Variants in CLPTM1 observed in about 807,000 individuals in gnomAD.
The protein encoded by CLPTM1 is putative lipid scramblase CLPTM1.
Under a neutral mutation model 77.3 loss-of-function variants are expected in CLPTM1, and 21 were observed. The observed-to-expected ratio is 0.27, with a 90% CI of 0.19 to 0.39. The LOEUF (loss-of-function observed/expected upper bound fraction) is 0.39, where lower values mean the gene tolerates loss of function less well. Ranked by LOEUF, CLPTM1 falls within the 10% of genes least tolerant of loss-of-function variation. The probability of loss-of-function intolerance (pLI) is 1.00; values close to 1 mark genes in which losing one functional copy is unlikely to be tolerated. For synonymous variants in CLPTM1, 373 were observed against 381.0 expected (o/e 0.98, Z 0.24); for missense variants, 642 against 921.2 (o/e 0.70, Z 3.92).
chr19:44,989,131 A>G (rs531896402), intron 9 of CLPTM1, among the ~76,000 whole-genome samples: 1 of 152,028 alleles, frequency 6.6e-6, no homozygotes, highest in South Asian at 2.1e-4. Context: ...ACACCACTGA[A>G]CTCCATCCTA....
chr19:44,971,351 T>A (rs143054891), intron 2 of CLPTM1, among the ~76,000 whole-genome samples: 1 of 152,134 alleles, frequency 6.6e-6, no homozygotes, highest in African/African-American at 2.4e-5. Flanking sequence ...TATTGATATT[T>A]TCTTAGTGTA....
chr19:44,992,598 C>T lies in CLPTM1; in HGVS notation c.1724-13C>T. The stretch of plus-strand genomic sequence containing the variant: ...GCCAGCCCGACCTCACACTGCCTCC[C>T]ACCCCTCTCCAGATGTGGTTTTCTT... On this transcript the variant is annotated splice_polypyrimidine_tract_variant and intron_variant, in intron 13 of 13. Transcript: ENST00000337392. This position sits in a 1 kb window ranked among gnomAD's most constrained non-coding sequence, Gnocchi z 7.7. 1.2e-6 allele frequency: 2 copies of T among 1,613,224 alleles called. No homozygotes were observed. The highest frequency in any genetic ancestry group is 8.5e-7 in the Non-Finnish European group (1 of 1,179,790).
chr19:44,959,404 G>T (rs951441408), intron 1 of CLPTM1, among the ~76,000 whole-genome samples: 3 of 151,992 alleles, frequency 2.0e-5, no homozygotes, highest in Non-Finnish European at 4.4e-5. Flanking sequence ...GCCTAGGCTG[G>T]AGTGCAGTGG....
intron 7 of CLPTM1, chr19:44,986,913 C>T: frequency 1.8e-6 from 1 of 542,652 alleles, no homozygotes; most frequent in Middle Eastern, 4.8e-4. Flanking sequence ...TTTTATAAAA[C>T]TGGGTTACAT....
chr19:44,965,421 C>T (rs1480054351), intron 2 of CLPTM1, among the ~76,000 whole-genome samples: 2 of 151,628 alleles, frequency 1.3e-5, no homozygotes, highest in Non-Finnish European at 2.9e-5. Context: ...TCACTTGAAC[C>T]TGGGAGGTAG....
In CLPTM1 at chr19:44,987,172, G is replaced by A. The variant is rs370922483; in HGVS notation, c.794-7G>A. ...GCCAAATGGTGCCCCTGCCCCACGT[G>A]CTGCAGATGTGAAGTTCGACGCCGT... On this transcript the variant is annotated splice_polypyrimidine_tract_variant and splice_region_variant and intron_variant, in intron 7 of 13. Transcript: ENST00000337392. 1.3e-5 allele frequency: 21 copies of A among 1,605,746 alleles called. No individual in the cohort carries two copies. In the African/African-American group the frequency reaches 2.8e-4, roughly 21 times the overall value.
intron 1 of CLPTM1, among the ~76,000 whole-genome samples, chr19:44,956,587 G>A (rs1410514546): frequency 6.6e-6 from 1 of 152,180 alleles, no homozygotes; most frequent in Non-Finnish European, 1.5e-5. Context: ...TGGCTTCAGG[G>A]ACAGCTTAGG....
chr19:44,972,342 G>T (rs1344846940), intron 2 of CLPTM1, among the ~76,000 whole-genome samples: 1 of 151,702 alleles, frequency 6.6e-6, no homozygotes, highest in Non-Finnish European at 1.5e-5. Flanking sequence ...CTGCCTCCTG[G>T]GTTCACACCA....
intron 2 of CLPTM1, among the ~76,000 whole-genome samples, chr19:44,967,899 C>G (rs1156838762): frequency 6.6e-6 from 1 of 152,164 alleles, no homozygotes; most frequent in Non-Finnish European, 1.5e-5. Flanking sequence ...ACTTCACCTC[C>G]CCTCCCCATG....
Position 44,990,565 on chromosome 19 carries a change from A to T in CLPTM1, c.1303A>T (p.Thr435Ser), listed in dbSNP as rs745872343. 91 of 1,613,916 alleles carry T rather than the reference A, an allele frequency of 5.6e-5. No individual in the cohort carries two copies. Among genetic ancestry groups the T allele is most frequent in the Admixed American group, 3.3e-4 (20 of 59,988 alleles). Residue 435 changes from threonine to serine, a missense_variant, in exon 10 of 14, where the codon ACC (threonine) becomes TCC (serine). Thr to Ser is a moderately conservative substitution (Grantham distance 58). This residue lies in a region of CLPTM1 where 521 missense variants were observed against 800.4 expected (regional missense o/e 0.65). Transcript: ENST00000337392. This position sits in a 1 kb window ranked among gnomAD's most constrained non-coding sequence, Gnocchi z 4.8. ...GGTCCTCATCGACCTCTGGAAGATC[A>T]CCAAGGTCATGGACGTCCGGGTAAG... ...IGVLIDLWKI[T>S]KVMDVRLDRE...
At position 44,990,797 on chromosome 19, in the gene CLPTM1, TGTG is replaced by T; in HGVS notation, c.1324-51_1324-49del. On this transcript the variant is annotated intron_variant, in intron 10 of 13. Coordinates refer to ENST00000337392, the MANE Select transcript of CLPTM1 (RefSeq NM_001294.4). This position sits in a 1 kb window ranked among gnomAD's most constrained non-coding sequence, Gnocchi z 4.8. ...GGAAGGGCAGGGGCTGGTTCTGGCT[TGTG>T]GGGTGGGAGCCAGCGTAGCAACTGA... 3 of 1,488,138 alleles carry T rather than the reference TGTG, an allele frequency of 2.0e-6. No homozygotes were observed. Among genetic ancestry groups the T allele is most frequent in the African/African-American group, 1.4e-5 (1 of 72,026 alleles). The allele number at this position is 1,488,138 out of a possible 1,614,324, so 92.2% of individuals were successfully genotyped here.
At chr19:44,983,053 T>C in intron 5 of CLPTM1, among the ~76,000 whole-genome samples, 1 of 140,358 alleles carries the variant, frequency 7.1e-6, no homozygotes, top group Non-Finnish European at 1.5e-5. Context: ...AGAGTGAGAC[T>C]CCATCTCAAA....
At position 44,991,015 on chromosome 19, in the gene CLPTM1, C is replaced by A; in HGVS notation, c.1419+70C>A. 1 of 1,379,582 alleles carries A rather than the reference C, an allele frequency of 7.2e-7. No individual in the cohort carries two copies. Among genetic ancestry groups the A allele is most frequent in the Non-Finnish European group, 1.0e-6 (1 of 977,880 alleles). 85.5% of individuals were successfully genotyped at this position (1,379,582 alleles called of 1,614,324 possible). On this transcript the variant is annotated intron_variant, in intron 11 of 13. Coordinates refer to ENST00000337392, the MANE Select transcript of CLPTM1 (RefSeq NM_001294.4). The surrounding 1 kb of genome is among the most constrained non-coding windows in gnomAD (Gnocchi z 5.4). ...CCACGTATCCCTGAGGCACCCGGGG[C>A]CGGCCATCTGTCTGCCGGACCCATG...
chr19:44,977,606 T>A (rs1051642473), intron 5 of CLPTM1, 146 bp downstream of exon 5: 1 of 687,236 alleles, frequency 1.5e-6, no homozygotes, highest in Admixed American at 2.5e-5. Flanking sequence ...CAGGGCAGGC[T>A]CAAGCCCCAC....
At chr19:44,960,618 C>G (rs1271466120) in intron 1 of CLPTM1, among the ~76,000 whole-genome samples, 1 of 152,138 alleles carries the variant, frequency 6.6e-6, no homozygotes, top group Non-Finnish European at 1.5e-5. Flanking sequence ...ACACATGTAG[C>G]CCCTCTAACC....
intron 1 of CLPTM1, among the ~76,000 whole-genome samples, chr19:44,959,098 C>T (rs1298694818): frequency 6.6e-6 from 1 of 152,176 alleles, no homozygotes; most frequent in Non-Finnish European, 1.5e-5. Flanking sequence ...AGTCTGCAGA[C>T]ATGACACAGT....
chr19:44,986,269 G>A (rs888453199), intron 6 of CLPTM1, among the ~76,000 whole-genome samples, 186 bp from the exon 7 acceptor site: 3 of 75,530 alleles, frequency 4.0e-5, no homozygotes, highest in African/African-American at 1.7e-4. Flanking sequence ...AGGCCGAGGT[G>A]GGAGGATCGT....
chr19:44,958,886 TAAAC>T (rs1322662359), intron 1 of CLPTM1, among the ~76,000 whole-genome samples: 1 of 152,258 alleles, frequency 6.6e-6, no homozygotes, highest in Non-Finnish European at 1.5e-5. Flanking sequence ...AAAAATGTCT[TAAAC>T]AAGGATCTAA....
chr19:44,986,071 G>T lies in CLPTM1; in HGVS notation c.673-384G>T, dbSNP rs182164853. Reference sequence around the variant, plus strand: ...TGATATTCTGCTGCCAGGGTTGTCAGGGGAGATGGCTCATGCCTGTTTTCC... The same window carrying T: ...TGATATTCTGCTGCCAGGGTTGTCATGGGAGATGGCTCATGCCTGTTTTCC... On this transcript the variant is annotated intron_variant, in intron 6 of 13. Coordinates refer to ENST00000337392, the MANE Select transcript of CLPTM1 (RefSeq NM_001294.4). Among the ~76,000 whole-genome samples, 670 of 152,308 alleles carry T rather than the reference G, an allele frequency of 4.4e-3. 3 individuals are homozygous for T. The highest frequency in any genetic ancestry group is 0.015 in the African/African-American group (642 of 41,564).
Sources: allele counts gnomAD v4.1 joint callset (sites outside exome capture counted in the v4.1 genomes callset), GRCh38; gene constraint gnomAD v4.1.1; regional missense constraint gnomAD v4.1.1; non-coding constraint Gnocchi (gnomAD v3.1); transcripts MANE v1.5; gene names NCBI Gene and HGNC (gene_info 2026-07-23, HGNC 2026-07-21).